The following ZNF831 variants were observed in gnomAD, a reference collection of about 807,000 sequenced individuals.
The protein encoded by ZNF831 is zinc finger protein 831, also known as chromosome 20 open reading frame 174.
A neutral mutation model predicts 95.8 loss-of-function variants in ZNF831; 59 were observed. That is an observed-to-expected ratio of 0.62 (90% CI 0.50 to 0.77). The LOEUF (loss-of-function observed/expected upper bound fraction) is 0.77. Ranked by LOEUF, ZNF831 falls within the 30% of genes least tolerant of loss-of-function variation. ZNF831 has a pLI of 0.00. For synonymous variants in ZNF831, 961 were observed against 925.5 expected, an observed-to-expected ratio of 1.04 and a Z score of -0.70; for missense variants, 2,205 against 2,164.0, an observed-to-expected ratio of 1.02 and a Z score of -0.38.
intron 2 of ZNF831, among the ~76,000 whole-genome samples, chr20:59,151,157 A>T (rs1291536935): frequency 6.6e-6 from 1 of 152,056 alleles, no homozygotes; most frequent in Admixed American, 6.6e-5. Context: ...GTGGATGAAG[A>T]TGCGAGGGGG....
intron 1 of ZNF831, among the ~76,000 whole-genome samples, chr20:59,141,632 C>G (rs1568723179): frequency 6.6e-6 from 1 of 152,166 alleles, no homozygotes; most frequent in Non-Finnish European, 1.5e-5. Flanking sequence ...TAGAGTGAGT[C>G]TTAAAATCAG....
At chr20:59,167,765 T>A (rs1468407746) in intron 1 of ZNF831, among the ~76,000 whole-genome samples, 1 of 152,096 alleles carries the variant, frequency 6.6e-6, no homozygotes, top group Non-Finnish European at 1.5e-5. Context: ...TGTCAAAAAA[T>A]CAGTTGGCTG....
chr20:59,191,555 T>C lies in ZNF831; in HGVS notation c.536T>C (p.Ile179Thr), dbSNP rs2146549614. ...CCCTTCCCGTGTGCCACCTGCGGCA[T>C]CGCCTTTAAGACCCAGAGCAATCTC... Reference protein sequence around the residue: ...ERPFPCATCGIAFKTQSNLYK... With the variant: ...ERPFPCATCGTAFKTQSNLYK... The change falls in exon 2 of 6, where the codon ATC becomes ACC. Residue 179 changes from isoleucine to threonine, a missense_variant. Transcript: ENST00000371030. The C allele has an allele frequency of 1.9e-6, 3 of 1,612,914 alleles. No homozygotes were observed. Among genetic ancestry groups the C allele is most frequent in the South Asian group, 1.1e-5 (1 of 91,056 alleles).
chr20:59,165,969 C>T (rs540714296), intron 1 of ZNF831, among the ~76,000 whole-genome samples: 1 of 152,224 alleles, frequency 6.6e-6, no homozygotes, highest in Non-Finnish European at 1.5e-5. Context: ...CTAGGCTGGT[C>T]TCTAACGCTT....
intron 4 of ZNF831, among the ~76,000 whole-genome samples, chr20:59,248,457 C>G (rs138259147): frequency 0.022 from 3,409 of 152,346 alleles, 56 homozygotes; most frequent in South Asian, 0.034. Flanking sequence ...TCACTTTTCT[C>G]TGTAGACTGC....
chr20:59,243,955 A>G (rs1172895364), intron 4 of ZNF831, among the ~76,000 whole-genome samples: 1 of 152,008 alleles, frequency 6.6e-6, no homozygotes, highest in African/African-American at 2.4e-5. Flanking sequence ...TTTTCCCTTC[A>G]TTTAGTTTTC....
intron 1 of ZNF831, among the ~76,000 whole-genome samples, chr20:59,177,400 G>A (rs1056573455): frequency 3.9e-5 from 6 of 152,126 alleles, no homozygotes; most frequent in Non-Finnish European, 7.4e-5. Flanking sequence ...GTGTCATGCC[G>A]CAAACATGCC....
intron 2 of ZNF831, among the ~76,000 whole-genome samples, chr20:59,154,291 A>G (rs911081347): frequency 2.0e-5 from 3 of 152,178 alleles, no homozygotes; most frequent in Admixed American, 6.5e-5. Context: ...GAATGCACAC[A>G]TGCTCATTCA....
intron 4 of ZNF831, among the ~76,000 whole-genome samples, chr20:59,240,289 A>C (rs914095300): frequency 2.0e-5 from 3 of 152,036 alleles, no homozygotes; most frequent in Non-Finnish European, 4.4e-5. Context: ...GCTACCTCCC[A>C]TTTTCTGTCA....
intron 1 of ZNF831, among the ~76,000 whole-genome samples, chr20:59,123,701 C>A (rs572655186): frequency 1.4e-5 from 2 of 143,452 alleles, no homozygotes; most frequent in Non-Finnish European, 3.2e-5. Context: ...GGAGGTGACT[C>A]GATGACAGGG....
chr20:59,129,858 C>T (rs1979294786), intron 1 of ZNF831, among the ~76,000 whole-genome samples: 1 of 152,242 alleles, frequency 6.6e-6, no homozygotes, highest in Admixed American at 6.5e-5. Context: ...GTTATTGGTG[C>T]ATCCCATGCT....
At chr20:59,252,870 G>T in intron 4 of ZNF831, 108 bp from the exon 5 acceptor site, 2 of 1,194,296 alleles carry the variant, frequency 1.7e-6, no homozygotes, top group South Asian at 3.3e-5. Flanking sequence ...TGAGATGAGG[G>T]TTAATGAGCT....
At position 59,192,283 on chromosome 20, in the gene ZNF831, GCC is replaced by G. The variant is rs1208376536; in HGVS notation, c.1266_1267del (p.Gln423AlafsTer32). On this transcript the variant is annotated frameshift_variant, in exon 2 of 6. Coordinates refer to ENST00000371030, the MANE Select transcript of ZNF831 (RefSeq NM_178457.3). LOFTEE classifies it high-confidence loss of function. This position sits in a 1 kb window ranked among gnomAD's most constrained non-coding sequence, Gnocchi z 5.2. ...ISHNQAVVDDAQLDNVRPRKT... is the reference protein window; with the variant it reads ...ISHNQAVVDDXQLDNVRPRKT... ...CCACAACCAGGCGGTGGTGGACGATGCCCAGCTGGACAACGTGCGGCCCCGGA... is the reference window on the plus strand; with the variant it reads ...CCACAACCAGGCGGTGGTGGACGATGCAGCTGGACAACGTGCGGCCCCGGA... 6 of 1,589,208 alleles carry G rather than the reference GCC, an allele frequency of 3.8e-6. No individual in the cohort carries two copies. Among genetic ancestry groups the G allele is most frequent in the Non-Finnish European group, 5.1e-6 (6 of 1,167,508 alleles).
intron 4 of ZNF831, among the ~76,000 whole-genome samples, chr20:59,223,823 C>T (rs1216750545): frequency 6.6e-6 from 1 of 151,878 alleles, no homozygotes; most frequent in Non-Finnish European, 1.5e-5. Flanking sequence ...CTAATTTAAA[C>T]ACACATACAC....
At chr20:59,198,236 A>C (rs1984267588) in intron 3 of ZNF831, among the ~76,000 whole-genome samples, 1 of 152,200 alleles carries the variant, frequency 6.6e-6, no homozygotes, top group African/African-American at 2.4e-5. Context: ...AACACAGTGC[A>C]TGTAAGACCC....
At chr20:59,207,168 T>A in intron 4 of ZNF831, 112 bp downstream of exon 4, 1 of 1,349,126 alleles carries the variant, frequency 7.4e-7, no homozygotes, top group Non-Finnish European at 1.0e-6. Context: ...GCCACAGGGG[T>A]CAGGCCCAAA....
chr20:59,239,417 A>T (rs1987185359), intron 4 of ZNF831, among the ~76,000 whole-genome samples: 1 of 152,172 alleles, frequency 6.6e-6, no homozygotes, highest in African/African-American at 2.4e-5. Context: ...ATTTTAAAAG[A>T]TAAGCCAAGA....
intron 4 of ZNF831, among the ~76,000 whole-genome samples, chr20:59,235,622 G>T (rs933802635): frequency 1.3e-5 from 2 of 152,088 alleles, no homozygotes; most frequent in Non-Finnish European, 2.9e-5. Context: ...AACTATATTA[G>T]AATCCTCGCT....
At chr20:59,221,376 C>T (rs1986062828) in intron 4 of ZNF831, among the ~76,000 whole-genome samples, 1 of 152,190 alleles carries the variant, frequency 6.6e-6, no homozygotes, top group Non-Finnish European at 1.5e-5. Context: ...AATAATCCTC[C>T]AAGCTCCAAC....
Sources: allele counts gnomAD v4.1 joint callset (sites outside exome capture counted in the v4.1 genomes callset), GRCh38; gene constraint gnomAD v4.1.1; non-coding constraint Gnocchi (gnomAD v3.1); transcripts MANE v1.5; gene names NCBI Gene and HGNC (gene_info 2026-07-23, HGNC 2026-07-21).